The following DPY19L1 variants were observed in gnomAD, a reference collection of about 807,000 sequenced individuals.
DPY19L1 encodes the protein dpy-19 like C-mannosyltransferase 1, also known as protein C-mannosyl-transferase DPY19L1.
A neutral mutation model predicts 96.9 loss-of-function variants in DPY19L1; 35 were observed. That is an observed-to-expected ratio of 0.36 (90% CI 0.28 to 0.48). The LOEUF (loss-of-function observed/expected upper bound fraction) is 0.48. DPY19L1 is among the 20% of genes least tolerant of loss of function. The pLI, the probability that DPY19L1 is intolerant of heterozygous loss-of-function variation, is 0.99. For synonymous variants in DPY19L1, 205 were observed against 252.6 expected (o/e 0.81, Z 1.79); for missense variants, 521 against 777.9 (o/e 0.67, Z 3.93).
intron 3 of DPY19L1, among the ~76,000 whole-genome samples, chr7:35,016,844 T>C (rs1306558989): frequency 2.6e-5 from 4 of 152,188 alleles, no homozygotes; most frequent in African/African-American, 7.2e-5. Context: ...GGTAATTCTA[T>C]AGGACAAATC....
At chr7:35,025,662 GATA>G (rs1250611342) in intron 1 of DPY19L1, among the ~76,000 whole-genome samples, 1 of 152,074 alleles carries the variant, frequency 6.6e-6, no homozygotes, top group Non-Finnish European at 1.5e-5. Flanking sequence ...GAATATGAAT[GATA>G]ATAATGTCTA....
chr7:35,029,599 T>A (rs769988809), intron 1 of DPY19L1, among the ~76,000 whole-genome samples: 3 of 152,188 alleles, frequency 2.0e-5, no homozygotes, highest in African/African-American at 7.2e-5. Flanking sequence ...ACTGTGACAG[T>A]TTTTTACTAT....
intron 7 of DPY19L1, among the ~76,000 whole-genome samples, chr7:34,989,092 C>G (rs958100126): frequency 1.3e-5 from 2 of 152,126 alleles, no homozygotes; most frequent in Non-Finnish European, 2.9e-5. Context: ...AACCTGGATC[C>G]AGAGTCTATA....
Position 34,929,954 on chromosome 7 carries a change from G to C in DPY19L1, c.*1619C>G, listed in dbSNP as rs535875039. 21 of 152,380 alleles carry C rather than the reference G, an allele frequency of 1.4e-4. No individual in the cohort carries two copies. The highest frequency in any genetic ancestry group is 4.3e-4 in the African/African-American group (18 of 41,566). The allele number at this position is 152,380 out of a possible 1,614,324, so 9.4% of individuals were successfully genotyped here. ...GGCTCTAGGCGCTGGCACAAGACTGGGGGGCGGTGCTTCTCTGAGGGCACA... is the reference window on the plus strand; with the variant it reads ...GGCTCTAGGCGCTGGCACAAGACTGCGGGGCGGTGCTTCTCTGAGGGCACA... On this transcript the variant is annotated 3_prime_UTR_variant, in exon 22 of 22. Transcript: ENST00000638088.
intron 1 of DPY19L1, among the ~76,000 whole-genome samples, chr7:35,027,924 T>A (rs2128682797): frequency 6.6e-6 from 1 of 152,294 alleles, no homozygotes; most frequent in Admixed American, 6.5e-5. Flanking sequence ...GTGGTCTACA[T>A]GATGATGGTT....
chr7:35,006,480 T>G (rs1356197101), intron 6 of DPY19L1, among the ~76,000 whole-genome samples: 2 of 152,190 alleles, frequency 1.3e-5, no homozygotes, highest in Non-Finnish European at 1.5e-5. Flanking sequence ...CAACCAATGC[T>G]CCTTCTTACT....
chr7:35,019,752 A>G (rs1785948918), intron 1 of DPY19L1, among the ~76,000 whole-genome samples: 3 of 152,218 alleles, frequency 2.0e-5, no homozygotes, highest in Non-Finnish European at 4.4e-5. Context: ...AATTGAAGTT[A>G]CAAATATCTA....
At chr7:34,970,592 T>C (rs1283095807) in intron 8 of DPY19L1, among the ~76,000 whole-genome samples, 1 of 152,156 alleles carries the variant, frequency 6.6e-6, no homozygotes, top group Non-Finnish European at 1.5e-5. Flanking sequence ...TAGATCATAG[T>C]CCAAAAGTTT....
intron 4 of DPY19L1, among the ~76,000 whole-genome samples, chr7:35,012,550 G>T (rs1785737879): frequency 6.6e-6 from 1 of 151,954 alleles, no homozygotes; most frequent in Non-Finnish European, 1.5e-5. Context: ...TCAGTGTTAG[G>T]TTACACACAA....
At chr7:34,957,814 T>C (rs1446959154) in intron 11 of DPY19L1, among the ~76,000 whole-genome samples, 170 bp downstream of exon 11, 1 of 152,050 alleles carries the variant, frequency 6.6e-6, no homozygotes, top group Non-Finnish European at 1.5e-5. Context: ...TCCTTGTTTT[T>C]TTTTTCCCTG....
chr7:34,939,023 G>A (rs183810408), intron 20 of DPY19L1: 41 of 344,978 alleles, frequency 1.2e-4, no homozygotes, highest in Non-Finnish European at 2.1e-4. Context: ...CTGTGGGAAA[G>A]TGCTATAGTA....
At chr7:34,943,698 T>C (rs1389911688) in intron 16 of DPY19L1, among the ~76,000 whole-genome samples, 1 of 152,244 alleles carries the variant, frequency 6.6e-6, no homozygotes. Context: ...TGAAGCTCAA[T>C]GGTTTCCTAT....
intron 8 of DPY19L1, among the ~76,000 whole-genome samples, chr7:34,972,469 G>A (rs1471467016): frequency 6.6e-6 from 1 of 152,166 alleles, no homozygotes; most frequent in Non-Finnish European, 1.5e-5. Flanking sequence ...TAAGACAGGA[G>A]CAGAGGTAGA....
At chr7:35,027,133 G>T (rs1330713967) in intron 1 of DPY19L1, among the ~76,000 whole-genome samples, 6 of 152,122 alleles carry the variant, frequency 3.9e-5, no homozygotes, top group Non-Finnish European at 5.9e-5. Context: ...GAATCCAGGA[G>T]GTGGAGGTTA....
upstream of DPY19L1, chr7:35,037,882 C>T (rs1452931274): frequency 8.9e-6 from 11 of 1,238,298 alleles, no homozygotes; most frequent in African/African-American, 1.6e-5. Context: ...CTTCCGGAGG[C>T]GGCCGCCCTT....
At chr7:35,005,602 C>G (rs142401467) in intron 6 of DPY19L1, among the ~76,000 whole-genome samples, 1,567 of 141,670 alleles carry the variant, frequency 0.011, 27 homozygotes, top group African/African-American at 0.038. Flanking sequence ...AGTTTGAGAC[C>G]AGCCTGACCA....
intron 1 of DPY19L1, among the ~76,000 whole-genome samples, chr7:35,031,851 AAG>A (rs1291114413): frequency 6.6e-6 from 1 of 152,246 alleles, no homozygotes; most frequent in Non-Finnish European, 1.5e-5. Context: ...CTATCTTAGA[AAG>A]AAAAAAAAAT....
chr7:35,007,065 C>G lies in DPY19L1; in HGVS notation c.764+3403G>C, dbSNP rs183626588. ...CCCTTTCATAAAATTACAAGGGTGA[C>G]TAACCATCAAGGAAGAAAATATTAA... On this transcript the variant is annotated intron_variant, in intron 6 of 21. Coordinates refer to ENST00000638088, the MANE Select transcript of DPY19L1 (RefSeq NM_001366673.1). Among the ~76,000 whole-genome samples the G allele has an allele frequency of 4.8e-3, 735 of 152,162 alleles. 3 individuals carry two copies. The highest frequency in any genetic ancestry group is 0.017 in the African/African-American group (688 of 41,514).
intron 1 of DPY19L1, among the ~76,000 whole-genome samples, chr7:35,021,752 G>C (rs894121712): frequency 2.0e-5 from 3 of 152,230 alleles, no homozygotes; most frequent in Admixed American, 6.5e-5. Context: ...TGTAGAAAGA[G>C]GATGGAACAG....
Sources: allele counts gnomAD v4.1 joint callset (sites outside exome capture counted in the v4.1 genomes callset), GRCh38; gene constraint gnomAD v4.1.1; transcripts MANE v1.5; gene names NCBI Gene and HGNC (gene_info 2026-07-23, HGNC 2026-07-21).